DNAAF2: variants seen among roughly 807,000 people sequenced by gnomAD.
The protein encoded by DNAAF2 is dynein axonemal assembly factor 2.
A neutral mutation model predicts 48.8 loss-of-function variants in DNAAF2; 58 were observed. The ratio of observed to expected loss-of-function variants is 1.19; its 90% CI spans 0.96 to 1.48. The LOEUF (loss-of-function observed/expected upper bound fraction) is 1.48, where lower values mean the gene tolerates loss of function less well. Ranked by LOEUF, DNAAF2 falls within the 40% of genes most tolerant of loss-of-function variation. The pLI is 0.00. For missense variants in DNAAF2, 1,241 were observed against 1,116.1 expected (o/e 1.11, Z -1.59); for synonymous variants, 567 against 481.2 (o/e 1.18, Z -2.33).
rs1251285323 is a variant in DNAAF2 at position 49,635,090 on chromosome 14, G to A, written c.60C>T (p.Val20=). 1 of 1,582,532 alleles carries A rather than the reference G, an allele frequency of 6.3e-7. No homozygotes were observed. The highest frequency in any genetic ancestry group is 2.3e-5 in the East Asian group (1 of 43,000). ...CCTGGAAGGCGGAGGTGAGCCGCTG[G>A]ACCTCCTCTCCGCTCAGGTCCAAGT... is the stretch of plus-strand genomic sequence containing the variant. ...LEDLDLSGEE[V]QRLTSAFQDP... Residue 20 remains valine, a synonymous_variant, in exon 1 of 3, where the codon GTC becomes GTT. Transcript: ENST00000298292.
At chr14:49,629,077 C>T (rs1883086307) in intron 1 of DNAAF2, among the ~76,000 whole-genome samples, 1 of 151,104 alleles carries the variant, frequency 6.6e-6, no homozygotes, top group South Asian at 2.1e-4. Flanking sequence ...ATCCTCCCGC[C>T]TCAGCCTCTA....
chr14:49,630,692 C>CACACAT (rs1883130123), intron 1 of DNAAF2, among the ~76,000 whole-genome samples: 1 of 147,640 alleles, frequency 6.8e-6, no homozygotes, highest in Non-Finnish European at 1.5e-5. Context: ...CACACACACA[C>CACACAT]ACACACACAT....
intron 2 of DNAAF2, 118 bp downstream of exon 2, chr14:49,627,894 A>G (rs773294286): frequency 9.2e-7 from 1 of 1,081,178 alleles, no homozygotes; most frequent in Non-Finnish European, 1.3e-6. Flanking sequence ...TCTTAACATC[A>G]CTCTGCCCAA....
Position 49,634,341 on chromosome 14 carries a change from C to T in DNAAF2, c.809G>A (p.Cys270Tyr), listed in dbSNP as rs903395951. 1.9e-6 allele frequency: 3 copies of T among 1,610,832 alleles called. No homozygotes were observed. The highest frequency in any genetic ancestry group is 3.3e-5 in the Admixed American group (2 of 59,924). The change falls in exon 1 of 3, where the codon TGC (cysteine) becomes TAC (tyrosine). Residue 270 changes from cysteine (C) to tyrosine (Y), a missense_variant. Cys to Tyr is a radical substitution (Grantham distance 194). Coordinates refer to ENST00000298292, the MANE Select transcript of DNAAF2 (RefSeq NM_018139.3). ...GGGGCTCGGGGCTGAGTCCCTGGAG[C>T]AGCGGTAATCCTGGAGGTCCACGTG... ...RHHVDLQDYR[C>Y]SRDSAPSPVP...
In DNAAF2 at chr14:49,634,472, G is replaced by A. The variant is rs892853177; in HGVS notation, c.678C>T (p.Tyr226=). 4.4e-6 allele frequency: 7 copies of A among 1,578,946 alleles called. No homozygotes were observed. In the African/African-American group the frequency reaches 8.1e-5, roughly 18 times the overall value. Reference sequence around the variant, plus strand: ...CGGGGGCTGCCGGGTACTGGTAAGGGTAGGGGAAGTCCGGGAGAGGACCCT... The same window carrying A: ...CGGGGGCTGCCGGGTACTGGTAAGGATAGGGGAAGTCCGGGAGAGGACCCT... The part of the protein sequence containing the change: ...EPKGPLPDFP[Y]PYQYPAAPGP... Residue 226 remains tyrosine (Y), a synonymous_variant, in exon 1 of 3, where the codon TAC becomes TAT. Coordinates refer to ENST00000298292, the MANE Select transcript of DNAAF2 (RefSeq NM_018139.3).
Position 49,635,109 on chromosome 14 carries a change from T to G in DNAAF2, c.41A>C (p.Asp14Ala), listed in dbSNP as rs1594610208. 6.4e-7 allele frequency: 1 copy of G among 1,573,516 alleles called. No individual in the cohort carries two copies. The highest frequency in any genetic ancestry group is 8.6e-7 in the Non-Finnish European group (1 of 1,160,320). The stretch of plus-strand genomic sequence containing the variant: ...CCGCTGGACCTCCTCTCCGCTCAGG[T>G]CCAAGTCCTCCAGCGACGAGGAGGC... ...AAASSSLEDL[D>A]LSGEEVQRLT... The change falls in exon 1 of 3, where the codon GAC becomes GCC. Residue 14 changes from aspartate to alanine, a missense_variant. Coordinates refer to ENST00000298292, the MANE Select transcript of DNAAF2 (RefSeq NM_018139.3).
Position 49,635,024 on chromosome 14 carries a change from C to T in DNAAF2, c.126G>A (p.Glu42=), listed in dbSNP as rs373348391. ...FRRMFSQYAE[E]LTDPENRRRY... is the part of the protein sequence containing the mutation. Reference sequence around the variant, plus strand: ...GCCGCCGGTTCTCCGGGTCGGTGAGCTCCTCGGCGTACTGGGAGAACATTC... The same window carrying T: ...GCCGCCGGTTCTCCGGGTCGGTGAGTTCCTCGGCGTACTGGGAGAACATTC... Residue 42 remains glutamate (E), a synonymous_variant, in exon 1 of 3, where the codon GAG becomes GAA. Transcript: ENST00000298292. 23 of 1,573,760 alleles carry T rather than the reference C, an allele frequency of 1.5e-5. No homozygotes were observed. Among genetic ancestry groups the T allele is most frequent in the Middle Eastern group, 1.7e-4 (1 of 6,046 alleles).
Position 49,634,785 on chromosome 14 carries a change from G to A in DNAAF2, c.365C>T (p.Pro122Leu), listed in dbSNP as rs958625302. The A allele has an allele frequency of 5.7e-6, 9 of 1,578,282 alleles. No homozygotes were observed. The Admixed American group carries it at 1.3e-4, about 22-fold the overall frequency. ...CTCGCGGCCGGGCGCCAGGCTGTAG[G>A]GCAGGGACCAGTGGCTGCCAGGAGC... ...GAAPGSHWSLPYSLAPGREYA... is the reference protein window; with the variant it reads ...GAAPGSHWSLLYSLAPGREYA... The change falls in exon 1 of 3, where the codon CCC (proline) becomes CTC (leucine). Residue 122 changes from proline to leucine, a missense_variant. By Grantham distance (98) the Pro-to-Leu change is moderately conservative. Transcript: ENST00000298292.
In DNAAF2 at chr14:49,625,933, G is replaced by A. The variant is rs1882993575; in HGVS notation, c.2123C>T (p.Ser708Phe). The A allele has an allele frequency of 6.2e-7, 1 of 1,613,470 alleles. No homozygotes were observed. Residue 708 changes from serine (S) to phenylalanine (F), a missense_variant, in exon 3 of 3, where the codon TCT (serine) becomes TTT (phenylalanine). Transcript: ENST00000298292. ...TGCTTTAACTGCTATAGATGAATCA[G>A]AATCAGTTGTAGGGGTGTTACAATG... ...IEHCNTPTTD[S>F]DSSIAVKALQ...
At position 49,633,664 on chromosome 14, in the gene DNAAF2, C is replaced by G. The variant is rs752662901; in HGVS notation, c.1486G>C (p.Glu496Gln). 9.9e-6 allele frequency: 16 copies of G among 1,611,842 alleles called. No individual in the cohort carries two copies. The East Asian group carries it at 3.3e-4, about 34-fold the overall frequency. The change falls in exon 1 of 3, where the codon GAG becomes CAG. Residue 496 changes from glutamate to glutamine, a missense_variant. Transcript: ENST00000298292. ...ARGDSSVETREESEGTGGQRS... is the reference protein window; with the variant it reads ...ARGDSSVETRQESEGTGGQRS... ...TGGCCGCCCGTGCCCTCCGACTCCT[C>G]GCGTGTTTCCACACTGCTATCTCCG...
Position 49,633,411 on chromosome 14 carries a change from A to C in DNAAF2, c.1739T>G (p.Leu580Trp). 6.2e-7 allele frequency: 1 copy of C among 1,614,064 alleles called. No individual in the cohort carries two copies. The highest frequency in any genetic ancestry group is 8.5e-7 in the Non-Finnish European group (1 of 1,179,896). The change falls in exon 1 of 3, where the codon TTG becomes TGG. Residue 580 changes from leucine to tryptophan, a missense_variant. Coordinates refer to ENST00000298292, the MANE Select transcript of DNAAF2 (RefSeq NM_018139.3). ...FFLQFAPENK[L>W]STTEPVISIS... ...GCTAATCACAGGTTCTGTGGTACTC[A>C]ATTTATTCTCTGGAGCAAATTGCAA...
chr14:49,628,259 T>G, intron 1 of DNAAF2, 104 bp from the exon 2 acceptor site: 2 of 973,838 alleles, frequency 2.1e-6, no homozygotes, highest in Non-Finnish European at 3.0e-6. Context: ...AGGGTTACAC[T>G]TTTTAAAATG....
intron 1 of DNAAF2, among the ~76,000 whole-genome samples, chr14:49,630,087 C>T (rs1034168297): frequency 2.6e-5 from 4 of 151,808 alleles, no homozygotes; most frequent in South Asian, 2.1e-4. Flanking sequence ...AAAAATTAGC[C>T]GGGAGTGGTA....
Position 49,625,431 on chromosome 14 carries a change from T to G in DNAAF2, c.*111A>C. 1.1e-6 allele frequency: 1 copy of G among 906,448 alleles called. No individual in the cohort carries two copies. Among genetic ancestry groups the G allele is most frequent in the East Asian group, 3.3e-5 (1 of 30,300 alleles). The allele number at this position is 906,448 out of a possible 1,614,324, so 56.2% of individuals were successfully genotyped here. ...GCAATTTTTTAAAAAAAATTGCAAA[T>G]TTTAATTTTATACTTTAATACCTTT... is the stretch of plus-strand genomic sequence containing the variant. On this transcript the variant is annotated 3_prime_UTR_variant, in exon 3 of 3. Coordinates refer to ENST00000298292, the MANE Select transcript of DNAAF2 (RefSeq NM_018139.3).
chr14:49,628,567 G>A (rs143341540), intron 1 of DNAAF2, among the ~76,000 whole-genome samples: 1,626 of 152,120 alleles, frequency 0.011, 42 homozygotes, highest in African/African-American at 0.036. Flanking sequence ...CAATTCTCCT[G>A]CCCCAGACTA....
Position 49,634,831 on chromosome 14 carries a change from A to C in DNAAF2, c.319T>G (p.Ser107Ala). ...LVGAPSSRPG[S>A]GGDRGAAPGS... ...GGAGCTGCGCCCCGGTCGCCACCGG[A>C]GCCGGGCCGGCTGCTGGGCGCGCCC... is the stretch of plus-strand genomic sequence containing the variant. Residue 107 changes from serine (S) to alanine (A), a missense_variant, in exon 1 of 3, where the codon TCC (serine) becomes GCC (alanine). By Grantham distance (99) the Ser-to-Ala change is moderately conservative. Coordinates refer to ENST00000298292, the MANE Select transcript of DNAAF2 (RefSeq NM_018139.3). 6.5e-7 allele frequency: 1 copy of C among 1,545,934 alleles called. No homozygotes were observed. Among genetic ancestry groups the C allele is most frequent in the South Asian group, 1.2e-5 (1 of 84,332 alleles).
chr14:49,626,665 G>A (rs763206174), intron 2 of DNAAF2, among the ~76,000 whole-genome samples: 2 of 151,638 alleles, frequency 1.3e-5, no homozygotes, highest in Admixed American at 6.6e-5. Flanking sequence ...CACCACGCCC[G>A]GCTAATTTTT....
chr14:49,634,584 T>C lies in DNAAF2; in HGVS notation c.566A>G (p.Lys189Arg). 1 of 1,605,936 alleles carries C rather than the reference T, an allele frequency of 6.2e-7. No individual in the cohort carries two copies. Among genetic ancestry groups the C allele is most frequent in the Non-Finnish European group, 8.5e-7 (1 of 1,179,714 alleles). ...KLDRRNAKTL[K>R]AKYKGTPEAA... ...CTCTGGGGTCCCCTTATACTTGGCC[T>C]TCAGGGTCTTGGCATTCCTGCGGTC... The change falls in exon 1 of 3, where the codon AAG becomes AGG. Residue 189 changes from lysine to arginine, a missense_variant. Coordinates refer to ENST00000298292, the MANE Select transcript of DNAAF2 (RefSeq NM_018139.3).
At chr14:49,629,031 C>T (rs141562502) in intron 1 of DNAAF2, among the ~76,000 whole-genome samples, 1,628 of 151,804 alleles carry the variant, frequency 0.011, 41 homozygotes, top group African/African-American at 0.036. Flanking sequence ...GGCATAATCA[C>T]GGCTCGCTGC....
Sources: gnomAD v4.1 joint callset for allele counts (sites outside exome capture counted in the v4.1 genomes callset) on GRCh38, gnomAD v4.1.1 for gene constraint, MANE v1.5 for transcripts, NCBI Gene and HGNC (gene_info 2026-07-23, HGNC 2026-07-21) for gene names.